The following SNTG1 variants were observed in gnomAD, a reference collection of about 807,000 sequenced individuals.
SNTG1 encodes gamma-1-syntrophin.
Under a neutral mutation model 74.7 loss-of-function variants are expected in SNTG1, and 39 were observed. The observed-to-expected ratio is 0.52, with a 90% CI of 0.40 to 0.68. The LOEUF is 0.68. SNTG1 is among the 30% of genes least tolerant of loss of function. The pLI, the probability that SNTG1 is intolerant of heterozygous loss-of-function variation, is 0.00. For missense variants in SNTG1, 685 were observed against 609.5 expected (o/e 1.12, Z -1.30); for synonymous variants, 254 against 217.1 (o/e 1.17, Z -1.49).
chr8:50,234,716 A>C (rs2085802203), intron 2 of SNTG1, among the ~76,000 whole-genome samples: 1 of 152,118 alleles, frequency 6.6e-6, no homozygotes, highest in South Asian at 2.1e-4. Context: ...TGCTACTATT[A>C]GTATTTCTAA....
intron 2 of SNTG1, among the ~76,000 whole-genome samples, chr8:50,204,735 A>T (rs1418525070): frequency 1.3e-5 from 2 of 151,914 alleles, no homozygotes; most frequent in Non-Finnish European, 2.9e-5. Flanking sequence ...CAACCCCATG[A>T]CAGGCCCCGG....
intron 1 of SNTG1, among the ~76,000 whole-genome samples, chr8:50,096,435 G>C (rs2079933283): frequency 1.3e-5 from 2 of 152,122 alleles, no homozygotes; most frequent in African/African-American, 4.8e-5. Flanking sequence ...GGAGGCGATG[G>C]GGAATTTGTC....
In SNTG1 at chr8:50,212,762, A is replaced by G. The variant is rs578246913; in HGVS notation, c.-28+40127A>G. On this transcript the variant is annotated intron_variant, in intron 2 of 18. Transcript: ENST00000642720. ...CTGAAAGTGCTGTTGAATGGAACAG[A>G]TCAGACACAGTTTTGTCCATGAGGC... Among the ~76,000 whole-genome samples, 11 of 152,328 alleles carry G rather than the reference A, an allele frequency of 7.2e-5. No homozygotes were observed. In the South Asian group the frequency reaches 2.3e-3, roughly 32 times the overall value.
At chr8:50,393,927 T>C (rs1563326956) in intron 2 of SNTG1, among the ~76,000 whole-genome samples, 1 of 152,230 alleles carries the variant, frequency 6.6e-6, no homozygotes, top group Non-Finnish European at 1.5e-5. Flanking sequence ...TGATGATACA[T>C]GGAGTCTGAA....
intron 2 of SNTG1, among the ~76,000 whole-genome samples, chr8:50,352,018 T>G (rs911210330): frequency 2.0e-5 from 3 of 152,176 alleles, no homozygotes; most frequent in African/African-American, 7.2e-5. Context: ...TGCTTGTAAT[T>G]CAGTTGAATA....
At chr8:50,590,597 A>C (rs374466140) in intron 12 of SNTG1, among the ~76,000 whole-genome samples, 1 of 152,138 alleles carries the variant, frequency 6.6e-6, no homozygotes, top group Non-Finnish European at 1.5e-5. Flanking sequence ...ATAATCATTT[A>C]GTATTGTTTG....
At chr8:49,956,316 C>G (rs1810154799) in intron 1 of SNTG1, among the ~76,000 whole-genome samples, 1 of 152,214 alleles carries the variant, frequency 6.6e-6, no homozygotes, top group Admixed American at 6.5e-5. Context: ...ACAACCCAAA[C>G]AGTGTCCTTT....
At chr8:50,467,700 C>T (rs889038303) in intron 8 of SNTG1, among the ~76,000 whole-genome samples, 1 of 151,718 alleles carries the variant, frequency 6.6e-6, no homozygotes, top group Non-Finnish European at 1.5e-5. Context: ...TTGATTGCTG[C>T]TTTTTCTAAT....
At position 50,487,990 on chromosome 8, in the gene SNTG1, T is replaced by C. The variant is rs189465948; in HGVS notation, c.364-14788T>C. ...GCTGAGTTAATTTAAACTATGCTTC[T>C]GGATCTCAAAAGAAAATATACACAA... On this transcript the variant is annotated intron_variant, in intron 8 of 18. Coordinates refer to ENST00000642720, the MANE Select transcript of SNTG1 (RefSeq NM_018967.5). 3.3e-5 allele frequency among the ~76,000 whole-genome samples: 5 copies of C among 152,340 alleles called. No individual in the cohort carries two copies. The East Asian group carries it at 9.6e-4, about 29-fold the overall frequency.
upstream of SNTG1, among the ~76,000 whole-genome samples, chr8:49,910,132 T>C (rs1022939733): frequency 5.9e-5 from 9 of 152,202 alleles, no homozygotes; most frequent in Non-Finnish European, 1.0e-4. Context: ...TAATCCTTGA[T>C]GGAAGCAAGC....
chr8:50,468,727 C>A (rs2093628610), intron 8 of SNTG1, among the ~76,000 whole-genome samples: 1 of 152,124 alleles, frequency 6.6e-6, no homozygotes, highest in African/African-American at 2.4e-5. Flanking sequence ...TTTTTAACTT[C>A]CTTGGTTTAC....
At chr8:50,669,985 TCAA>T (rs2131337059) in intron 15 of SNTG1, among the ~76,000 whole-genome samples, 1 of 152,260 alleles carries the variant, frequency 6.6e-6, no homozygotes, top group South Asian at 2.1e-4. Context: ...TTGACAAAAT[TCAA>T]CAACGTTTCA....
At chr8:50,686,269 A>G (rs1278445271) in intron 15 of SNTG1, among the ~76,000 whole-genome samples, 2 of 152,158 alleles carry the variant, frequency 1.3e-5, no homozygotes, top group Non-Finnish European at 2.9e-5. Flanking sequence ...ATTGCCTTCA[A>G]ACTTAAGCTG....
chr8:49,969,957 G>A (rs1262223270), intron 1 of SNTG1, among the ~76,000 whole-genome samples: 3 of 151,078 alleles, frequency 2.0e-5, no homozygotes, highest in Non-Finnish European at 4.4e-5. Context: ...TTTTCAGGCT[G>A]GTGTGCTATT....
intron 1 of SNTG1, among the ~76,000 whole-genome samples, chr8:49,957,963 C>G (rs971758806): frequency 1.1e-4 from 17 of 152,148 alleles, no homozygotes; most frequent in African/African-American, 4.1e-4. Context: ...AAACATTATT[C>G]AAATGACATA....
intron 1 of SNTG1, among the ~76,000 whole-genome samples, chr8:49,938,562 C>CTTTTCTTTTGTTTTCTTTTG: frequency 3.6e-5 from 1 of 27,736 alleles, no homozygotes; most frequent in African/African-American, 1.1e-4. Flanking sequence ...CTTTTGTTTT[C>CTTTTCTTTTGTTTTCTTTTG]TTTTCTTTTC....
chr8:50,376,693 T>G (rs2092388633), intron 2 of SNTG1, among the ~76,000 whole-genome samples: 1 of 143,906 alleles, frequency 6.9e-6, no homozygotes, highest in Non-Finnish European at 1.5e-5. Context: ...CAGAAGTAGA[T>G]TAAATATATA....
At position 50,188,259 on chromosome 8, in the gene SNTG1, C is replaced by A. The variant is rs2083452566; in HGVS notation, c.-28+15624C>A. On this transcript the variant is annotated intron_variant, in intron 2 of 18. Transcript: ENST00000642720. ...CAATCACGTTTCTTCAAATAGTGAACCATACAGGCAAGCCATTGGCTTCAG... is the reference window on the plus strand; with the variant it reads ...CAATCACGTTTCTTCAAATAGTGAAACATACAGGCAAGCCATTGGCTTCAG... 1.3e-5 allele frequency among the ~76,000 whole-genome samples: 2 copies of A among 152,154 alleles called. 1 individual carries two copies. The highest frequency in any genetic ancestry group is 1.3e-4 in the Admixed American group (2 of 15,272).
chr8:50,170,587 G>T (rs1467128274), intron 1 of SNTG1, among the ~76,000 whole-genome samples: 1 of 152,088 alleles, frequency 6.6e-6, no homozygotes, highest in African/African-American at 2.4e-5. Flanking sequence ...AAAACATGTA[G>T]CAAACTTAGT....
Sources: allele counts gnomAD v4.1 joint callset (sites outside exome capture counted in the v4.1 genomes callset), GRCh38; gene constraint gnomAD v4.1.1; transcripts MANE v1.5; gene names NCBI Gene and HGNC (gene_info 2026-07-23, HGNC 2026-07-21).